CHST10: variants seen among roughly 807,000 people sequenced by gnomAD.
The protein encoded by CHST10 is HNK-1 sulfotransferase.
CHST10 carries 24 observed loss-of-function variants against 34.7 expected under a neutral mutation model. That is an observed-to-expected ratio of 0.69 (90% CI 0.50 to 0.97). The LOEUF (loss-of-function observed/expected upper bound fraction) is 0.97, where lower values mean the gene tolerates loss of function less well. Ranked by LOEUF, CHST10 falls within the 50% of genes least tolerant of loss-of-function variation. CHST10 has a pLI of 0.00. For synonymous variants in CHST10, 161 were observed against 169.3 expected (o/e 0.95, Z 0.38); for missense variants, 402 against 452.1 (o/e 0.89, Z 1.00).
chr2:100,406,694 T>C lies in CHST10; in HGVS notation c.-19A>G. The C allele has an allele frequency of 6.2e-7, 1 of 1,613,956 alleles. No individual in the cohort carries two copies. The highest frequency in any genetic ancestry group is 1.1e-5 in the South Asian group (1 of 91,068). ...GGTGCATGTTGTCACACCGCAGCCATTCACTGACTCTTCCTGGAAAACACA... is the reference window on the plus strand; with the variant it reads ...GGTGCATGTTGTCACACCGCAGCCACTCACTGACTCTTCCTGGAAAACACA... On this transcript the variant is annotated 5_prime_UTR_variant, in exon 3 of 7. The change abolishes an upstream ATG in the 5' untranslated region. Transcript: ENST00000264249.
At position 100,392,333 on chromosome 2, in the gene CHST10, G is replaced by C. The variant is rs1456162408; in HGVS notation, c.*912C>G. On this transcript the variant is annotated 3_prime_UTR_variant, in exon 7 of 7. Coordinates refer to ENST00000264249, the MANE Select transcript of CHST10 (RefSeq NM_004854.5). ...TTCAGCCCCAACATGGGAGCTCCCT[G>C]GAGAAGACAGGTGGAGATTCACTGC... 1 of 152,432 alleles carries C rather than the reference G, an allele frequency of 6.6e-6. No homozygotes were observed. Among genetic ancestry groups the C allele is most frequent in the African/African-American group, 2.4e-5 (1 of 41,444 alleles). 9.4% of individuals were successfully genotyped at this position (152,432 alleles called of 1,614,324 possible).
At position 100,393,169 on chromosome 2, in the gene CHST10, G is replaced by A. The variant is rs2104295131; in HGVS notation, c.*76C>T. The A allele has an allele frequency of 6.7e-7, 1 of 1,502,220 alleles. No individual in the cohort carries two copies. Among genetic ancestry groups the A allele is most frequent in the Non-Finnish European group, 9.1e-7 (1 of 1,099,780 alleles). 93.1% of individuals were successfully genotyped at this position (1,502,220 alleles called of 1,614,324 possible). ...AAAGGAGGGGTGTGGTGGAGGAAGG[G>A]TCATTTCTGGGCTCAGATCTTCACC... is the stretch of plus-strand genomic sequence containing the variant. On this transcript the variant is annotated 3_prime_UTR_variant, in exon 7 of 7. Transcript: ENST00000264249.
chr2:100,392,778 A>C lies in CHST10; in HGVS notation c.*467T>G. ...ATCTGATGCTGCAAAAGTCTCTGCG[A>C]TTTCAGCAGCCCCCTTGCTTCTCTG... On this transcript the variant is annotated 3_prime_UTR_variant, in exon 7 of 7. Transcript: ENST00000264249. 1 of 170,214 alleles carries C rather than the reference A, an allele frequency of 5.9e-6. No homozygotes were observed. The highest frequency in any genetic ancestry group is 1.3e-5 in the Non-Finnish European group (1 of 77,682). The allele number at this position is 170,214 out of a possible 1,614,324, so 10.5% of individuals were successfully genotyped here. A position where few individuals can be genotyped will look rare whatever the true frequency, so the allele number is the denominator to read the frequency against.
At chr2:100,399,454 T>C (rs926361198) in intron 4 of CHST10, among the ~76,000 whole-genome samples, 2 of 152,228 alleles carry the variant, frequency 1.3e-5, no homozygotes, top group African/African-American at 2.4e-5. Context: ...TCAAAGCAGA[T>C]GATCCTTCCA....
At chr2:100,395,813 G>C (rs1675032308) in intron 5 of CHST10, among the ~76,000 whole-genome samples, 199 bp from the exon 6 acceptor site, 1 of 152,144 alleles carries the variant, frequency 6.6e-6, no homozygotes, top group Admixed American at 6.5e-5. Flanking sequence ...AAAGCTTCTG[G>C]GAATCCATAA....
intron 6 of CHST10, 31 bp downstream of exon 6, chr2:100,395,478 C>A (rs982805347): frequency 2.5e-6 from 4 of 1,582,290 alleles, no homozygotes; most frequent in African/African-American, 2.7e-5. Flanking sequence ...TACAAAAACT[C>A]CCCCCTCCCC....
rs1280850414 is a variant in CHST10 at position 100,392,499 on chromosome 2, GC to G, written c.*745del. 6.6e-6 allele frequency: 1 copy of G among 152,286 alleles called. No individual in the cohort carries two copies. The highest frequency in any genetic ancestry group is 1.5e-5 in the Non-Finnish European group (1 of 68,146). The allele number at this position is 152,286 out of a possible 1,614,324, so 9.4% of individuals were successfully genotyped here. A position where few individuals can be genotyped will look rare whatever the true frequency, so the allele number is the denominator to read the frequency against. Reference sequence around the variant, plus strand: ...ACACTCCCCTTCTCAGGTAGAAAAAGCCTCCCCTCCCCTCACCTTCTAAAAT... The same window carrying G: ...ACACTCCCCTTCTCAGGTAGAAAAAGCTCCCCTCCCCTCACCTTCTAAAAT... On this transcript the variant is annotated 3_prime_UTR_variant, in exon 7 of 7. Coordinates refer to ENST00000264249, the MANE Select transcript of CHST10 (RefSeq NM_004854.5).
At position 100,392,032 on chromosome 2, in the gene CHST10, T is replaced by C. The variant is rs1674814373; in HGVS notation, c.*1213A>G. 1 of 152,788 alleles carries C rather than the reference T, an allele frequency of 6.5e-6. No homozygotes were observed. Among genetic ancestry groups the C allele is most frequent in the Non-Finnish European group, 1.5e-5 (1 of 68,172 alleles). 9.5% of individuals were successfully genotyped at this position (152,788 alleles called of 1,614,324 possible). A position where few individuals can be genotyped will look rare whatever the true frequency, so the allele number is the denominator to read the frequency against. On this transcript the variant is annotated 3_prime_UTR_variant, in exon 7 of 7. Transcript: ENST00000264249. ...TCATCCCAGGAAACTGTCCCAGTTCTCAGCGGTCCTGGCTGTGGACGGTAT... is the reference window on the plus strand; with the variant it reads ...TCATCCCAGGAAACTGTCCCAGTTCCCAGCGGTCCTGGCTGTGGACGGTAT...
At chr2:100,405,713 G>A (rs1008049092) in intron 3 of CHST10, among the ~76,000 whole-genome samples, 6 of 152,308 alleles carry the variant, frequency 3.9e-5, no homozygotes, top group Non-Finnish European at 4.4e-5. Flanking sequence ...GCTCATCCAC[G>A]TTCCCCAGTA....
At chr2:100,399,257 CCAT>C (rs1368952500) in intron 4 of CHST10, among the ~76,000 whole-genome samples, 1 of 152,202 alleles carries the variant, frequency 6.6e-6, no homozygotes, top group Non-Finnish European at 1.5e-5. Flanking sequence ...GTGCCCACCA[CCAT>C]GCCTGGCTAA....
intron 2 of CHST10, among the ~76,000 whole-genome samples, chr2:100,410,849 A>G (rs1490793795): frequency 6.6e-6 from 1 of 152,162 alleles, no homozygotes; most frequent in Non-Finnish European, 1.5e-5. Flanking sequence ...TTCAAATAAA[A>G]CTCTATGATG....
chr2:100,393,725 A>C lies in CHST10; in HGVS notation c.591T>G (p.Ser197=), dbSNP rs1309642511. The part of the protein sequence containing the change: ...IVRDPFERLI[S]AFKDKFVHNP... ...TGTGAACAAATTTATCCTTAAATGCAGAAATAAGTCTTTCGAAGGGATCTC... is the reference window on the plus strand; with the variant it reads ...TGTGAACAAATTTATCCTTAAATGCCGAAATAAGTCTTTCGAAGGGATCTC... The change falls in exon 7 of 7, where the codon TCT becomes TCG. Residue 197 remains serine (S), a synonymous_variant. Transcript: ENST00000264249. The C allele has an allele frequency of 3.1e-6, 5 of 1,613,720 alleles. No individual in the cohort carries two copies. Among genetic ancestry groups the C allele is most frequent in the Non-Finnish European group, 4.2e-6 (5 of 1,179,994 alleles).
At position 100,393,285 on chromosome 2, in the gene CHST10, T is replaced by C; in HGVS notation, c.1031A>G (p.Lys344Arg). Reference sequence around the variant, plus strand: ...GTCTGGTTTCTGGTACCCAAAGAGCTTAAAGTCCCCTTCGAAACGGGCATA... The same window carrying C: ...GTCTGGTTTCTGGTACCCAAAGAGCCTAAAGTCCCCTTCGAAACGGGCATA... ...RLYARFEGDFKLFGYQKPDFL... is the reference protein window; with the variant it reads ...RLYARFEGDFRLFGYQKPDFL... Residue 344 changes from lysine to arginine, a missense_variant, in exon 7 of 7, where the codon AAG becomes AGG. Lys to Arg is a conservative substitution (Grantham distance 26). Transcript: ENST00000264249. 6.2e-7 allele frequency: 1 copy of C among 1,614,186 alleles called. No homozygotes were observed. The highest frequency in any genetic ancestry group is 1.1e-5 in the South Asian group (1 of 91,088).
intron 2 of CHST10, among the ~76,000 whole-genome samples, chr2:100,409,476 G>C (rs1675726452): frequency 6.6e-6 from 1 of 152,124 alleles, no homozygotes; most frequent in African/African-American, 2.4e-5. Flanking sequence ...AAAGTCAGGA[G>C]CTCTTAGCTT....
At chr2:100,412,918 A>G (rs1675905141) in intron 2 of CHST10, among the ~76,000 whole-genome samples, 1 of 152,210 alleles carries the variant, frequency 6.6e-6, no homozygotes, top group Non-Finnish European at 1.5e-5. Flanking sequence ...TTTGGAAAAC[A>G]ACACAAAACT....
intron 4 of CHST10, among the ~76,000 whole-genome samples, chr2:100,398,775 G>A (rs1675196533): frequency 6.6e-6 from 1 of 152,184 alleles, no homozygotes; most frequent in Non-Finnish European, 1.5e-5. Context: ...GGAAAAAGAT[G>A]AAAAAGCTCA....
intron 2 of CHST10, among the ~76,000 whole-genome samples, chr2:100,410,016 C>T (rs1339471200): frequency 6.6e-6 from 1 of 152,136 alleles, no homozygotes; most frequent in Non-Finnish European, 1.5e-5. Context: ...TGTGGATTTG[C>T]AAAGCTTCAG....
chr2:100,405,696 G>T (rs1675538564), intron 3 of CHST10, among the ~76,000 whole-genome samples: 1 of 152,228 alleles, frequency 6.6e-6, no homozygotes. Flanking sequence ...GCACAGCAAA[G>T]TGCTGTGCTC....
chr2:100,404,756 C>T (rs1675497778), intron 3 of CHST10, among the ~76,000 whole-genome samples: 1 of 152,212 alleles, frequency 6.6e-6, no homozygotes, highest in African/African-American at 2.4e-5. Flanking sequence ...TTAACTATTA[C>T]CTATAGAAGT....
Sources: allele counts gnomAD v4.1 joint callset (sites outside exome capture counted in the v4.1 genomes callset), GRCh38; gene constraint gnomAD v4.1.1; transcripts MANE v1.5; gene names NCBI Gene and HGNC (gene_info 2026-07-23, HGNC 2026-07-21).